PRKG2: variants seen among roughly 807,000 people sequenced by gnomAD.
PRKG2 encodes the protein protein kinase cGMP-dependent 2.
In PRKG2, 33 loss-of-function variants were observed where a neutral mutation model predicts 97.2. That is an observed-to-expected ratio of 0.34 (90% CI 0.26 to 0.45). PRKG2 has a LOEUF of 0.45. Among genes scored for constraint, PRKG2 ranks in the 20% least tolerant of loss-of-function variants. The pLI is 1.00. For missense variants in PRKG2, 638 were observed against 900.0 expected (o/e 0.71, Z 3.73); for synonymous variants, 330 against 321.8 (o/e 1.03, Z -0.27).
At chr4:81,178,807 T>C (rs889798314) in intron 2 of PRKG2, among the ~76,000 whole-genome samples, 4 of 151,902 alleles carry the variant, frequency 2.6e-5, no homozygotes, top group Non-Finnish European at 5.9e-5. Context: ...GCTGAAACAA[T>C]ATATGAAGGA....
At chr4:81,106,797 G>A (rs2109973405) in intron 15 of PRKG2, among the ~76,000 whole-genome samples, 1 of 152,304 alleles carries the variant, frequency 6.6e-6, no homozygotes, top group Middle Eastern at 3.4e-3. Flanking sequence ...CCTCATGAAT[G>A]GGACTGGTGC....
chr4:81,115,244 C>A (rs114059805), intron 14 of PRKG2, among the ~76,000 whole-genome samples: 1 of 152,076 alleles, frequency 6.6e-6, no homozygotes. Context: ...GAGTTCTGAC[C>A]GCTCTACATC....
At chr4:81,130,858 C>T (rs189727674) in intron 14 of PRKG2, among the ~76,000 whole-genome samples, 2 of 152,244 alleles carry the variant, frequency 1.3e-5, no homozygotes, top group South Asian at 2.1e-4. Context: ...CATCCCAGGT[C>T]GACTTCAGAC....
At chr4:81,166,878 G>C (rs1426826005) in intron 6 of PRKG2, among the ~76,000 whole-genome samples, 1 of 152,096 alleles carries the variant, frequency 6.6e-6, no homozygotes, top group African/African-American at 2.4e-5. Flanking sequence ...TCTTGAGTAA[G>C]GCAGGTTTGT....
intron 14 of PRKG2, among the ~76,000 whole-genome samples, chr4:81,118,149 C>A (rs531160297): frequency 6.6e-6 from 1 of 151,960 alleles, no homozygotes; most frequent in Non-Finnish European, 1.5e-5. Context: ...TTTGTTTTTT[C>A]GCATCTTTTC....
chr4:81,095,382 CT>C (rs1351904649), intron 17 of PRKG2, among the ~76,000 whole-genome samples: 2 of 152,164 alleles, frequency 1.3e-5, no homozygotes, highest in African/African-American at 4.8e-5. Context: ...TGAGCCTCCA[CT>C]TTTAGGGATT....
chr4:81,170,685 C>T (rs1319802442), intron 4 of PRKG2, among the ~76,000 whole-genome samples: 1 of 151,524 alleles, frequency 6.6e-6, no homozygotes, highest in East Asian at 1.9e-4. Flanking sequence ...CAGAAGGAAA[C>T]CCAAGATTGC....
chr4:81,113,797 A>G (rs1420961507), intron 14 of PRKG2, among the ~76,000 whole-genome samples: 1 of 152,180 alleles, frequency 6.6e-6, no homozygotes, highest in Non-Finnish European at 1.5e-5. Context: ...CCTTTACCCA[A>G]GTCTAGACAA....
intron 2 of PRKG2, among the ~76,000 whole-genome samples, chr4:81,201,624 G>A (rs1753320480): frequency 6.6e-6 from 1 of 152,158 alleles, no homozygotes; most frequent in African/African-American, 2.4e-5. Context: ...CACCACTTAT[G>A]ATATATCTAA....
At chr4:81,128,002 T>C (rs959718235) in intron 14 of PRKG2, among the ~76,000 whole-genome samples, 5 of 152,184 alleles carry the variant, frequency 3.3e-5, no homozygotes, top group African/African-American at 1.2e-4. Flanking sequence ...TGAGATACGT[T>C]CCATTAATGC....
rs1744477945 is a variant in PRKG2, at chr4:81,116,014, A to G, written c.1777-5403T>C. On this transcript the variant is annotated intron_variant, in intron 14 of 18. Coordinates refer to ENST00000264399, the MANE Select transcript of PRKG2 (RefSeq NM_006259.3). Reference sequence around the variant, plus strand: ...AATCTTACATCCACAACTATACTAAACTCTCTATTTGAATCTTTTTTTTAA... The same window carrying G: ...AATCTTACATCCACAACTATACTAAGCTCTCTATTTGAATCTTTTTTTTAA... Among the ~76,000 whole-genome samples, 3 of 151,988 alleles carry G rather than the reference A, an allele frequency of 2.0e-5. No individual in the cohort carries two copies. In the South Asian group the frequency reaches 6.3e-4, roughly 32 times the overall value.
intron 6 of PRKG2, among the ~76,000 whole-genome samples, chr4:81,160,978 T>G (rs1749551858): frequency 6.6e-6 from 1 of 152,178 alleles, no homozygotes; most frequent in Admixed American, 6.6e-5. Flanking sequence ...AAAAGTGGCT[T>G]CTTTAATTTT....
chr4:81,151,201 A>C (rs1360025535), intron 8 of PRKG2, among the ~76,000 whole-genome samples: 1 of 152,146 alleles, frequency 6.6e-6, no homozygotes, highest in African/African-American at 2.4e-5. Flanking sequence ...GCATTTAATC[A>C]TATGTAAATT....
intron 17 of PRKG2, among the ~76,000 whole-genome samples, chr4:81,095,441 G>C (rs1742023043): frequency 1.3e-5 from 2 of 152,118 alleles, no homozygotes; most frequent in African/African-American, 4.8e-5. Flanking sequence ...ACCAAATATG[G>C]CAACAATTCC....
At chr4:81,115,603 G>A (rs991417646) in intron 14 of PRKG2, among the ~76,000 whole-genome samples, 6 of 152,126 alleles carry the variant, frequency 3.9e-5, no homozygotes, top group Non-Finnish European at 7.3e-5. Context: ...ACTTCCAATT[G>A]GCTATGTTCA....
chr4:81,156,871 T>A (rs150510138), intron 6 of PRKG2, among the ~76,000 whole-genome samples: 47 of 152,250 alleles, frequency 3.1e-4, no homozygotes, highest in African/African-American at 1.1e-3. Context: ...AAGATGTTCT[T>A]TGAAACCAAC....
At chr4:81,138,865 T>G (rs1210667401) in intron 12 of PRKG2, among the ~76,000 whole-genome samples, 1 of 152,152 alleles carries the variant, frequency 6.6e-6, no homozygotes, top group African/African-American at 2.4e-5. Context: ...ATAAAGATAA[T>G]TGGATGACTC....
intron 3 of PRKG2, chr4:81,173,981 T>C (rs1266005753): frequency 6.6e-6 from 1 of 152,074 alleles, no homozygotes; most frequent in Non-Finnish European, 1.5e-5. Context: ...TGTGCCAGAA[T>C]GTGACAAAAC....
At chr4:81,214,044 C>T (rs1050153327) in intron 1 of PRKG2, among the ~76,000 whole-genome samples, 7 of 151,452 alleles carry the variant, frequency 4.6e-5, no homozygotes, top group Admixed American at 3.9e-4. Context: ...GGGATGATCG[C>T]CTTCTTCATG....
Sources: allele counts gnomAD v4.1 joint callset (sites outside exome capture counted in the v4.1 genomes callset), GRCh38; gene constraint gnomAD v4.1.1; transcripts MANE v1.5; gene names NCBI Gene and HGNC (gene_info 2026-07-23, HGNC 2026-07-21).